VPS26A: variants seen among roughly 807,000 people sequenced by gnomAD.
VPS26A encodes the protein VPS26 retromer complex component A.
A neutral mutation model predicts 42.4 loss-of-function variants in VPS26A; 22 were observed. The observed-to-expected ratio is 0.52, with a 90% CI of 0.37 to 0.74. The LOEUF (loss-of-function observed/expected upper bound fraction) is 0.74, where lower values mean the gene tolerates loss of function less well. Among genes scored for constraint, VPS26A ranks in the 30% least tolerant of loss-of-function variants. VPS26A has a pLI of 0.00. For missense variants in VPS26A, 276 were observed against 379.2 expected (o/e 0.73, Z 2.26); for synonymous variants, 110 against 123.5 (o/e 0.89, Z 0.73).
chr10:69,142,435 T>G (rs1841066069), intron 2 of VPS26A, among the ~76,000 whole-genome samples: 1 of 148,628 alleles, frequency 6.7e-6, no homozygotes, highest in Admixed American at 6.7e-5. Context: ...CTCAAGTGAT[T>G]CCCCAACCTT....
intron 6 of VPS26A, among the ~76,000 whole-genome samples, chr10:69,164,656 A>G (rs188986714): frequency 1.3e-5 from 2 of 152,300 alleles, no homozygotes; most frequent in Admixed American, 6.5e-5. Flanking sequence ...GTTTTATGCC[A>G]TGGTTAGAAA....
At chr10:69,141,892 C>G (rs1347540969) in intron 2 of VPS26A, among the ~76,000 whole-genome samples, 1 of 148,778 alleles carries the variant, frequency 6.7e-6, no homozygotes, top group Non-Finnish European at 1.5e-5. Context: ...AATGATTCCT[C>G]TTTTTTTTTT....
chr10:69,166,250 T>C lies in VPS26A; in HGVS notation c.727+140T>C, dbSNP rs916532127. ...ATGATAGCTTTTAAGGTCATCTTTGTACAGCTGCAAAGAAGACTGTAATTA... is the reference window on the plus strand; with the variant it reads ...ATGATAGCTTTTAAGGTCATCTTTGCACAGCTGCAAAGAAGACTGTAATTA... On this transcript the variant is annotated intron_variant, in intron 7 of 8. Transcript: ENST00000263559. The C allele has an allele frequency of 1.6e-5, 12 of 738,670 alleles. No individual in the cohort carries two copies. In the Admixed American group the frequency reaches 2.8e-4, roughly 17 times the overall value. The allele number at this position is 738,670 out of a possible 1,614,324, so 45.8% of individuals were successfully genotyped here.
intron 2 of VPS26A, among the ~76,000 whole-genome samples, chr10:69,143,234 T>G (rs1348444917): frequency 1.3e-5 from 2 of 152,308 alleles, no homozygotes; most frequent in East Asian, 1.9e-4. Context: ...CTGGAAGATC[T>G]AGCCTTAACT....
chr10:69,171,504 C>CTT lies in VPS26A; in HGVS notation c.*245_*246dup, dbSNP rs767465234. 46 of 290,040 alleles carry CTT rather than the reference C, an allele frequency of 1.6e-4. No individual in the cohort carries two copies. The highest frequency in any genetic ancestry group is 2.6e-4 in the Non-Finnish European group (41 of 160,322). 18.0% of individuals were successfully genotyped at this position (290,040 alleles called of 1,614,324 possible). Reference sequence around the variant, plus strand: ...AAACACTGGAACTTTGTTAAGCTGCCTTTTTTTTTTTAACTTCCTACTTTG... The same window carrying CTT: ...AAACACTGGAACTTTGTTAAGCTGCCTTTTTTTTTTTTTAACTTCCTACTTTG... On this transcript the variant is annotated 3_prime_UTR_variant, in exon 9 of 9. Coordinates refer to ENST00000263559, the MANE Select transcript of VPS26A (RefSeq NM_004896.5).
chr10:69,125,618 A>G (rs1482338363), intron 1 of VPS26A, among the ~76,000 whole-genome samples: 1 of 152,260 alleles, frequency 6.6e-6, no homozygotes, highest in African/African-American at 2.4e-5. Context: ...TACTTTTAAT[A>G]CGCTTTTTTG....
At chr10:69,166,725 G>A (rs1261095259) in intron 7 of VPS26A, among the ~76,000 whole-genome samples, 1 of 152,148 alleles carries the variant, frequency 6.6e-6, no homozygotes, top group Non-Finnish European at 1.5e-5. Flanking sequence ...GTGTACTCTT[G>A]TGTTATGCAA....
chr10:69,137,361 T>A lies in VPS26A; in HGVS notation c.153+4314T>A, dbSNP rs1050699560. Reference sequence around the variant, plus strand: ...GTCCTATGCTCAGGGACTTACCAGGTTAAAATCAATCCAAGGTTGCAGTCT... The same window carrying A: ...GTCCTATGCTCAGGGACTTACCAGGATAAAATCAATCCAAGGTTGCAGTCT... On this transcript the variant is annotated intron_variant, in intron 2 of 8. Transcript: ENST00000263559. Among the ~76,000 whole-genome samples, 4 of 152,268 alleles carry A rather than the reference T, an allele frequency of 2.6e-5. No individual in the cohort carries two copies. The East Asian group carries it at 5.8e-4, about 22-fold the overall frequency.
At chr10:69,148,406 A>C (rs1202134311) in intron 2 of VPS26A, among the ~76,000 whole-genome samples, 1 of 152,162 alleles carries the variant, frequency 6.6e-6, no homozygotes, top group East Asian at 1.9e-4. Context: ...ATAGTAGTTT[A>C]TAGTTTAGTT....
chr10:69,129,058 C>T (rs1840719909), intron 1 of VPS26A, among the ~76,000 whole-genome samples: 2 of 148,654 alleles, frequency 1.3e-5, no homozygotes, highest in African/African-American at 4.9e-5. Flanking sequence ...TTTTATAACT[C>T]AAATGAGTTA....
At chr10:69,169,167 C>T (rs1307616256) in intron 8 of VPS26A, among the ~76,000 whole-genome samples, 1 of 151,978 alleles carries the variant, frequency 6.6e-6, no homozygotes, top group East Asian at 1.9e-4. Flanking sequence ...AGGCATGAGC[C>T]ACCGTGCCCA....
chr10:69,169,770 G>C (rs538046474), intron 8 of VPS26A, among the ~76,000 whole-genome samples: 1 of 151,288 alleles, frequency 6.6e-6, no homozygotes, highest in Non-Finnish European at 1.5e-5. Context: ...CACCACACCC[G>C]GCTAATTTTT....
At chr10:69,148,156 A>G (rs1180153489) in intron 2 of VPS26A, among the ~76,000 whole-genome samples, 4 of 152,240 alleles carry the variant, frequency 2.6e-5, no homozygotes, top group East Asian at 1.9e-4. Context: ...GTAAAGAGAT[A>G]TTTAGTAATT....
chr10:69,150,559 G>A (rs541947402), intron 2 of VPS26A, among the ~76,000 whole-genome samples: 28 of 151,678 alleles, frequency 1.8e-4, no homozygotes, highest in Middle Eastern at 3.4e-3. Context: ...CACCACACCC[G>A]GCTAATTTTT....
rs779238987 is a variant in VPS26A, at chr10:69,133,036, G to A, written c.142G>A (p.Val48Ile). 4.2e-5 allele frequency: 68 copies of A among 1,601,582 alleles called. 1 individual carries two copies. Among genetic ancestry groups the A allele is most frequent in the East Asian group, 2.7e-4 (12 of 44,618 alleles). ...KHYLFYDGESVSGKVNLAFKQ... is the reference protein window; with the variant it reads ...KHYLFYDGESISGKVNLAFKQ... ...CTATCTCTTCTATGACGGAGAATCCGTTTCAGGAAAGGTAAATCTTCTGTT... is the reference window on the plus strand; with the variant it reads ...CTATCTCTTCTATGACGGAGAATCCATTTCAGGAAAGGTAAATCTTCTGTT... The change falls in exon 2 of 9, where the codon GTT (valine) becomes ATT (isoleucine). Residue 48 changes from valine to isoleucine, a missense_variant. By Grantham distance (29) the Val-to-Ile change is conservative. Transcript: ENST00000263559.
chr10:69,124,430 T>A, intron 1 of VPS26A, 150 bp downstream of exon 1: 1 of 899,438 alleles, frequency 1.1e-6, no homozygotes, highest in African/African-American at 1.8e-5. Context: ...CCCCTGGGTC[T>A]GGGAAAAGCT....
intron 2 of VPS26A, among the ~76,000 whole-genome samples, chr10:69,146,048 G>A (rs1841153421): frequency 6.6e-6 from 1 of 152,088 alleles, no homozygotes; most frequent in South Asian, 2.1e-4. Flanking sequence ...TCGTGTTGTA[G>A]TATGTACCCA....
At chr10:69,133,576 T>C (rs1840837319) in intron 2 of VPS26A, 1 of 1,289,670 alleles carries the variant, frequency 7.8e-7, no homozygotes. Flanking sequence ...TGTCTATGCA[T>C]GGTCAGATAT....
At chr10:69,126,704 C>T (rs1379954038) in intron 1 of VPS26A, among the ~76,000 whole-genome samples, 1 of 152,088 alleles carries the variant, frequency 6.6e-6, no homozygotes, top group East Asian at 1.9e-4. Context: ...TTTAACATAT[C>T]AGAAGTATTA....
Sources: allele counts gnomAD v4.1 joint callset (sites outside exome capture counted in the v4.1 genomes callset), GRCh38; gene constraint gnomAD v4.1.1; transcripts MANE v1.5; gene names NCBI Gene and HGNC (gene_info 2026-07-23, HGNC 2026-07-21).